The following RPSA2 variants were observed in gnomAD, a reference collection of about 807,000 sequenced individuals.
RPSA2 encodes the protein small ribosomal subunit protein uS2B.
At chr19:23,861,700 C>A in the RPSA2 span, among the ~76,000 whole-genome samples, 1 of 152,132 alleles carries the variant, frequency 6.6e-6, no homozygotes, top group Non-Finnish European at 1.5e-5. Flanking sequence ...CCACAAAACA[C>A]CAATCTCCAT....
At chr19:23,797,593 A>T in the RPSA2 span, among the ~76,000 whole-genome samples, 1 of 152,200 alleles carries the variant, frequency 6.6e-6, no homozygotes. Context: ...GATGTCTATT[A>T]GGACTATTTG....
the RPSA2 span, among the ~76,000 whole-genome samples, chr19:23,797,094 T>A: frequency 2.0e-5 from 3 of 151,854 alleles, no homozygotes; most frequent in Middle Eastern, 3.4e-3. Flanking sequence ...GTTGGTTTTT[T>A]ATTTTTATTT....
At chr19:23,847,796 C>T in the RPSA2 span, among the ~76,000 whole-genome samples, 2 of 152,106 alleles carry the variant, frequency 1.3e-5, no homozygotes, top group South Asian at 2.1e-4. Flanking sequence ...CCAGAGCGGC[C>T]ATTTATAGAC....
the RPSA2 span, among the ~76,000 whole-genome samples, chr19:23,825,279 T>C: frequency 6.6e-6 from 1 of 152,202 alleles, no homozygotes; most frequent in Non-Finnish European, 1.5e-5. Context: ...TTAACTTTGT[T>C]TTGCAATTAT....
the RPSA2 span, among the ~76,000 whole-genome samples, chr19:23,774,105 G>T: frequency 6.6e-6 from 1 of 152,196 alleles, no homozygotes; most frequent in African/African-American, 2.4e-5. Context: ...AGGGGACATT[G>T]TGACATATCG....
chr19:23,774,960 C>T, the RPSA2 span, among the ~76,000 whole-genome samples: 148,857 of 152,184 alleles, frequency 0.98, 72,893 homozygotes, highest in Middle Eastern at 1. Context: ...GTGACATATA[C>T]CTTTGTTCAG....
the RPSA2 span, among the ~76,000 whole-genome samples, chr19:23,815,723 C>A: frequency 6.6e-6 from 1 of 152,120 alleles, no homozygotes; most frequent in Admixed American, 6.6e-5. Context: ...TCTGAATTTT[C>A]TATTTATTAT....
the RPSA2 span, among the ~76,000 whole-genome samples, chr19:23,765,662 ACTTATGGGTAGTAGG>A: frequency 6.6e-6 from 1 of 152,190 alleles, no homozygotes; most frequent in Non-Finnish European, 1.5e-5. Context: ...AGGAAAAATA[ACTTATGGGTAGTAGG>A]CTTAATACCT....
the RPSA2 span, among the ~76,000 whole-genome samples, chr19:23,851,644 G>A: frequency 1.4e-4 from 22 of 152,262 alleles, no homozygotes; most frequent in African/African-American, 5.1e-4. Flanking sequence ...AGTAATTACA[G>A]CAATTAACTC....
chr19:23,803,543 C>CT, the RPSA2 span, among the ~76,000 whole-genome samples: 8 of 151,982 alleles, frequency 5.3e-5, no homozygotes, highest in Non-Finnish European at 1.2e-4. Flanking sequence ...ATATGAAACT[C>CT]TATCTGTATC....
At chr19:23,830,449 A>C in the RPSA2 span, among the ~76,000 whole-genome samples, 1 of 152,214 alleles carries the variant, frequency 6.6e-6, no homozygotes, top group Non-Finnish European at 1.5e-5. Context: ...CTGGCCTGGC[A>C]CATCACTTTT....
the RPSA2 span, among the ~76,000 whole-genome samples, chr19:23,797,160 A>T: frequency 6.6e-6 from 1 of 151,990 alleles, no homozygotes; most frequent in Non-Finnish European, 1.5e-5. Context: ...GCCCAGGCCA[A>T]GTGCAATGGC....
chr19:23,837,492 G>A, the RPSA2 span, among the ~76,000 whole-genome samples: 14 of 152,126 alleles, frequency 9.2e-5, no homozygotes, highest in African/African-American at 3.1e-4. Context: ...TTCTAACTCT[G>A]TGAAGAATGT....
chr19:23,777,019 T>A, the RPSA2 span, among the ~76,000 whole-genome samples: 1 of 152,186 alleles, frequency 6.6e-6, no homozygotes. Flanking sequence ...GCCCAGTACT[T>A]ACTTGATGTG....
chr19:23,849,397 G>A, the RPSA2 span, among the ~76,000 whole-genome samples: 46 of 152,204 alleles, frequency 3.0e-4, no homozygotes, highest in Admixed American at 6.5e-4. Context: ...AGGAAGATTG[G>A]CATCAAAAAG....
chr19:23,806,313 G>A, the RPSA2 span, among the ~76,000 whole-genome samples: 2 of 151,842 alleles, frequency 1.3e-5, no homozygotes, highest in African/African-American at 4.8e-5. Context: ...AAAGTGCTGG[G>A]ATTATAGGCA....
chr19:23,827,647 A>G, the RPSA2 span: 8 of 1,595,778 alleles, frequency 5.0e-6, no homozygotes, highest in South Asian at 2.2e-5. Context: ...TTGCCATCCC[A>G]TGCAACAACA....
chr19:23,758,797 C>T, the RPSA2 span: 4 of 1,613,918 alleles, frequency 2.5e-6, no homozygotes, highest in Non-Finnish European at 3.4e-6. Flanking sequence ...ATCGCCAATA[C>T]CTGCAGGTCA....
the RPSA2 span, among the ~76,000 whole-genome samples, chr19:23,847,971 T>C: frequency 1.0e-3 from 152 of 152,306 alleles, no homozygotes; most frequent in African/African-American, 3.2e-3. Flanking sequence ...TCAGACCTTA[T>C]GGTTGTCTTC....
Sources: allele counts gnomAD v4.1 joint callset (sites outside exome capture counted in the v4.1 genomes callset), GRCh38; gene constraint gnomAD v4.1.1; transcripts MANE v1.5; gene names NCBI Gene and HGNC (gene_info 2026-07-23, HGNC 2026-07-21).